The following FGF12 variants were observed in gnomAD, a reference collection of about 807,000 sequenced individuals.
FGF12 encodes fibroblast growth factor 12.
A neutral mutation model predicts 23.6 loss-of-function variants in FGF12; 14 were observed. The observed-to-expected ratio is 0.59, with a 90% confidence interval of 0.39 to 0.93. FGF12 has a LOEUF of 0.93. Among genes scored for constraint, FGF12 ranks in the 40% least tolerant of loss-of-function variants. The pLI is 0.00. For synonymous variants in FGF12, 62 were observed against 77.3 expected (o/e 0.80, Z 1.04); for missense variants, 175 against 217.8 (o/e 0.80, Z 1.24).
intron 2 of FGF12, among the ~76,000 whole-genome samples, chr3:192,379,421 TAAAAAAAAAAAA>T (rs74271639): frequency 1.0e-5 from 1 of 96,334 alleles, no homozygotes; most frequent in African/African-American, 3.4e-5. Context: ...GAAACTGCTC[TAAAAAAAAAAAA>T]AAAAAAAAGC....
intron 2 of FGF12, among the ~76,000 whole-genome samples, chr3:192,510,535 T>C (rs1724437603): frequency 6.6e-6 from 1 of 152,216 alleles, no homozygotes; most frequent in African/African-American, 2.4e-5. Context: ...AGCCATATGC[T>C]ACAGCAACTT....
chr3:192,426,992 AT>A (rs1343150192), intron 2 of FGF12, among the ~76,000 whole-genome samples: 4 of 152,212 alleles, frequency 2.6e-5, no homozygotes, highest in Non-Finnish European at 4.4e-5. Flanking sequence ...CATTATAGTA[AT>A]TACTTGGCAT....
intron 5 of FGF12, among the ~76,000 whole-genome samples, chr3:192,148,202 A>C (rs138165426): frequency 6.6e-6 from 1 of 152,336 alleles, no homozygotes; most frequent in Non-Finnish European, 1.5e-5. Flanking sequence ...CAAAAGATGG[A>C]AGCACCAAAA....
intron 2 of FGF12, among the ~76,000 whole-genome samples, chr3:192,677,045 G>C (rs1245630774): frequency 1.3e-5 from 2 of 152,220 alleles, no homozygotes. Context: ...TCACTCATCT[G>C]CCATATGGAT....
chr3:192,488,375 T>A (rs565912143), intron 2 of FGF12, among the ~76,000 whole-genome samples: 1 of 152,082 alleles, frequency 6.6e-6, no homozygotes, highest in East Asian at 1.9e-4. Flanking sequence ...CAGGTCTAAA[T>A]TGTATCTTCC....
At chr3:192,665,458 C>A (rs1176790971) in intron 2 of FGF12, among the ~76,000 whole-genome samples, 1 of 152,116 alleles carries the variant, frequency 6.6e-6, no homozygotes, top group African/African-American at 2.4e-5. Flanking sequence ...ATATCCTTTG[C>A]AGGGACATGG....
intron 2 of FGF12, among the ~76,000 whole-genome samples, chr3:192,440,730 A>G (rs1397546492): frequency 6.6e-6 from 1 of 152,214 alleles, no homozygotes; most frequent in Non-Finnish European, 1.5e-5. Flanking sequence ...AAGACATATT[A>G]ATCACTCAAC....
At chr3:192,552,376 C>CA (rs1180255225) in intron 2 of FGF12, among the ~76,000 whole-genome samples, 24 of 150,926 alleles carry the variant, frequency 1.6e-4, no homozygotes, top group African/African-American at 4.6e-4. Context: ...GAAAAAGAAG[C>CA]AAAAAACAAA....
At chr3:192,627,837 A>C (rs892425584) in intron 2 of FGF12, among the ~76,000 whole-genome samples, 15 of 140,122 alleles carry the variant, frequency 1.1e-4, no homozygotes. Flanking sequence ...TTTGACTTGT[A>C]CTCTGTGTGT....
At chr3:192,478,130 T>C (rs992308506) in intron 2 of FGF12, among the ~76,000 whole-genome samples, 1 of 152,176 alleles carries the variant, frequency 6.6e-6, no homozygotes, top group Non-Finnish European at 1.5e-5. Flanking sequence ...GGCAAGTCTT[T>C]TGACCTTTTT....
chr3:192,692,592 G>C (rs1717977262), intron 2 of FGF12, among the ~76,000 whole-genome samples: 1 of 151,696 alleles, frequency 6.6e-6, no homozygotes, highest in South Asian at 2.1e-4. Context: ...TGTGGTCCTG[G>C]CTACCTGGGA....
intron 4 of FGF12, among the ~76,000 whole-genome samples, chr3:192,187,595 G>T (rs772455488): frequency 4.6e-5 from 7 of 152,180 alleles, no homozygotes; most frequent in Admixed American, 6.5e-5. Flanking sequence ...TGCAGTCAAA[G>T]AATTTGCCAT....
intron 2 of FGF12, among the ~76,000 whole-genome samples, chr3:192,718,772 T>G (rs1169895449): frequency 6.6e-6 from 1 of 152,182 alleles, no homozygotes; most frequent in African/African-American, 2.4e-5. Context: ...CTCAATAAAG[T>G]TATAAATCCA....
intron 2 of FGF12, among the ~76,000 whole-genome samples, chr3:192,660,280 T>C (rs1376089937): frequency 6.8e-6 from 1 of 146,582 alleles, no homozygotes; most frequent in African/African-American, 2.5e-5. Flanking sequence ...AAACACCTCA[T>C]GTTCTCACTC....
In FGF12 at chr3:192,514,596, G is replaced by T; in HGVS notation, c.14-154058C>A. ...CTGAATGAAGCAGAGGAGGGCGGCGGAGAGGGCCCCGGAAGAAGGGAAGGG... is the reference window on the plus strand; with the variant it reads ...CTGAATGAAGCAGAGGAGGGCGGCGTAGAGGGCCCCGGAAGAAGGGAAGGG... On this transcript the variant is annotated intron_variant, in intron 2 of 5. Transcript: ENST00000445105. This position sits in a 1 kb window ranked among gnomAD's most constrained non-coding sequence, Gnocchi z 4.9. 1 of 715,068 alleles carries T rather than the reference G, an allele frequency of 1.4e-6. No individual in the cohort carries two copies. Among genetic ancestry groups the T allele is most frequent in the Non-Finnish European group, 1.7e-6 (1 of 582,732 alleles). 44.3% of individuals were successfully genotyped at this position (715,068 alleles called of 1,614,324 possible). A position where few individuals can be genotyped will look rare whatever the true frequency, so the allele number is the denominator to read the frequency against.
chr3:192,368,227 G>A (rs1719073022), intron 2 of FGF12, among the ~76,000 whole-genome samples: 1 of 152,098 alleles, frequency 6.6e-6, no homozygotes, highest in African/African-American at 2.4e-5. Flanking sequence ...ACTGAACATA[G>A]ATGTGAAGCT....
At chr3:192,580,689 C>T (rs1360018755) in intron 2 of FGF12, among the ~76,000 whole-genome samples, 1 of 152,114 alleles carries the variant, frequency 6.6e-6, no homozygotes, top group Non-Finnish European at 1.5e-5. Flanking sequence ...CTCTCTGTAA[C>T]CTCCGCCTCC....
intron 3 of FGF12, among the ~76,000 whole-genome samples, chr3:192,358,962 T>C (rs1271523203): frequency 1.3e-5 from 2 of 152,142 alleles, no homozygotes; most frequent in Non-Finnish European, 1.5e-5. Flanking sequence ...GTGACACAAA[T>C]AAGTGGTTCC....
chr3:192,272,464 C>T (rs1305583765), intron 4 of FGF12, among the ~76,000 whole-genome samples: 1 of 152,106 alleles, frequency 6.6e-6, no homozygotes, highest in Non-Finnish European at 1.5e-5. Flanking sequence ...TGAAATATGG[C>T]TGCATGATTA....
Sources: gnomAD v4.1 joint callset for allele counts (sites outside exome capture counted in the v4.1 genomes callset) on GRCh38, gnomAD v4.1.1 for gene constraint, Gnocchi (gnomAD v3.1) non-coding constraint, MANE v1.5 for transcripts, NCBI Gene and HGNC (gene_info 2026-07-23, HGNC 2026-07-21) for gene names.